The following ANTXR1 variants were observed in gnomAD, a reference collection of about 807,000 sequenced individuals.
ANTXR1 encodes the protein anthrax toxin receptor 1.
A neutral mutation model predicts 78.1 loss-of-function variants in ANTXR1; 19 were observed. The observed-to-expected ratio is 0.24, with a 90% CI of 0.17 to 0.36. The LOEUF is 0.36. Ranked by LOEUF, ANTXR1 falls within the 10% of genes least tolerant of loss-of-function variation. The probability of loss-of-function intolerance (pLI) is 1.00; values close to 1 mark genes in which losing one functional copy is unlikely to be tolerated. For synonymous variants in ANTXR1, 273 were observed against 260.5 expected, an observed-to-expected ratio of 1.05 and a Z score of -0.46; for missense variants, 518 against 718.6, an observed-to-expected ratio of 0.72 and a Z score of 3.19.
chr2:69,142,206 G>T (rs1224025841), intron 12 of ANTXR1, among the ~76,000 whole-genome samples: 1 of 152,178 alleles, frequency 6.6e-6, no homozygotes, highest in African/African-American at 2.4e-5. Flanking sequence ...AGACCATGGA[G>T]GGGAATTGAG....
chr2:69,172,402 G>T (rs1295265421), intron 14 of ANTXR1: 2 of 1,609,670 alleles, frequency 1.2e-6, no homozygotes, highest in South Asian at 2.2e-5. Context: ...AAGAAAGAAA[G>T]AAATCCCACA....
chr2:69,198,495 G>C (rs1282376149), intron 17 of ANTXR1, among the ~76,000 whole-genome samples: 1 of 152,086 alleles, frequency 6.6e-6, no homozygotes, highest in African/African-American at 2.4e-5. Flanking sequence ...CTATGTATCA[G>C]ATCCTGTGCT....
intron 8 of ANTXR1, chr2:69,090,531 C>T (rs1397890752): frequency 2.1e-5 from 8 of 381,350 alleles, no homozygotes; most frequent in Admixed American, 1.5e-4. Flanking sequence ...TTATCATTTC[C>T]AGAGTTAAGT....
intron 1 of ANTXR1, among the ~76,000 whole-genome samples, chr2:69,029,395 TA>T (rs1337876908): frequency 6.6e-6 from 1 of 150,622 alleles, no homozygotes; most frequent in Non-Finnish European, 1.5e-5. Context: ...AAAATAATAA[TA>T]AAGGAAGATA....
At chr2:69,057,569 C>A (rs1478026382) in intron 3 of ANTXR1, among the ~76,000 whole-genome samples, 1 of 152,152 alleles carries the variant, frequency 6.6e-6, no homozygotes. Flanking sequence ...ACTTAATTGA[C>A]AAATGTGTGT....
chr2:69,046,058 A>C lies in ANTXR1; in HGVS notation c.296+1245A>C, dbSNP rs535976644. ...AAGCTCTGAGAAGGTGTCTCTGGCC[A>C]TCTCAAGACTCCTCATCTTGCTCAG... On this transcript the variant is annotated intron_variant, in intron 3 of 17. Transcript: ENST00000303714. Among the ~76,000 whole-genome samples the C allele has an allele frequency of 8.5e-5, 13 of 152,266 alleles. No homozygotes were observed. The South Asian group carries it at 2.7e-3, about 32-fold the overall frequency.
At chr2:69,077,083 C>T in intron 7 of ANTXR1, 1 of 375,560 alleles carries the variant, frequency 2.7e-6, no homozygotes, top group Non-Finnish European at 4.9e-6. Context: ...GAAAAATGAG[C>T]CCATGGCCTG....
intron 12 of ANTXR1, chr2:69,135,230 A>G (rs2104404816): frequency 5.3e-6 from 1 of 189,544 alleles, no homozygotes; most frequent in South Asian, 9.7e-5. Flanking sequence ...GACTTTCAAT[A>G]TGTTTATATC....
intron 10 of ANTXR1, among the ~76,000 whole-genome samples, chr2:69,105,227 T>C (rs1045207553): frequency 6.6e-6 from 1 of 152,260 alleles, no homozygotes; most frequent in African/African-American, 2.4e-5. Flanking sequence ...TTTCTTCCTT[T>C]CCTAATATAT....
At chr2:69,019,372 G>C (rs1671115319) in intron 1 of ANTXR1, among the ~76,000 whole-genome samples, 1 of 152,066 alleles carries the variant, frequency 6.6e-6, no homozygotes, top group Admixed American at 6.5e-5. Flanking sequence ...TTTGCTCTTA[G>C]ACATATAAAG....
At chr2:69,166,108 A>G (rs1313928718) in intron 13 of ANTXR1, among the ~76,000 whole-genome samples, 1 of 152,188 alleles carries the variant, frequency 6.6e-6, no homozygotes, top group Admixed American at 6.5e-5. Flanking sequence ...TTCCATCATT[A>G]CTATTTCCAA....
intron 11 of ANTXR1, 42 bp from the exon 12 acceptor site, chr2:69,124,523 G>A: frequency 1.3e-6 from 2 of 1,584,846 alleles, no homozygotes; most frequent in Non-Finnish European, 1.7e-6. Flanking sequence ...GTTGCTCATT[G>A]CACGCCCTGC....
At chr2:69,080,601 A>G (rs4854541) in intron 8 of ANTXR1, among the ~76,000 whole-genome samples, 108,034 of 152,122 alleles carry the variant, frequency 0.71, 38,953 homozygotes, top group African/African-American at 0.82. Context: ...CAACTAAAGC[A>G]GGTAGAGGCT....
intron 1 of ANTXR1, among the ~76,000 whole-genome samples, chr2:69,025,244 T>A (rs759080232): frequency 2.6e-5 from 4 of 152,158 alleles, no homozygotes; most frequent in Admixed American, 1.3e-4. Context: ...AGAAAAAAAA[T>A]AATAATAAGA....
intron 16 of ANTXR1, among the ~76,000 whole-genome samples, chr2:69,192,039 G>C (rs1013563490): frequency 6.6e-6 from 1 of 152,208 alleles, no homozygotes; most frequent in African/African-American, 2.4e-5. Flanking sequence ...TGTCCTAAGG[G>C]ATAGGCAGAC....
intron 3 of ANTXR1, 26 bp downstream of exon 3, chr2:69,044,839 T>C: frequency 6.2e-7 from 1 of 1,610,462 alleles, no homozygotes. Context: ...ATCTCTGTTG[T>C]TAAAAAGTCC....
intron 8 of ANTXR1, among the ~76,000 whole-genome samples, chr2:69,080,489 C>T (rs1670869346): frequency 6.6e-6 from 1 of 152,200 alleles, no homozygotes; most frequent in Non-Finnish European, 1.5e-5. Flanking sequence ...GCCCATAATG[C>T]TCATATTTTT....
At chr2:69,230,188 AAT>A (rs1341556528) in intron 17 of ANTXR1, among the ~76,000 whole-genome samples, 2 of 152,040 alleles carry the variant, frequency 1.3e-5, no homozygotes, top group African/African-American at 4.8e-5. Context: ...TATTTTTTGA[AAT>A]TTGTCAGAAC....
intron 17 of ANTXR1, among the ~76,000 whole-genome samples, chr2:69,217,362 C>T (rs1369554966): frequency 6.6e-6 from 1 of 152,186 alleles, no homozygotes; most frequent in African/African-American, 2.4e-5. Context: ...ATTGCAAGTG[C>T]ACAATGTGAA....
Sources: gnomAD v4.1 joint callset for allele counts (sites outside exome capture counted in the v4.1 genomes callset) on GRCh38, gnomAD v4.1.1 for gene constraint, MANE v1.5 for transcripts, NCBI Gene and HGNC (gene_info 2026-07-23, HGNC 2026-07-21) for gene names.